KANSL1L: variants seen among roughly 807,000 people sequenced by gnomAD.
The protein encoded by KANSL1L is KAT8 regulatory NSL complex subunit 1 like.
A neutral mutation model predicts 108.6 loss-of-function variants in KANSL1L; 25 were observed. The observed-to-expected ratio is 0.23, with a 90% CI of 0.17 to 0.32. The LOEUF (loss-of-function observed/expected upper bound fraction) is 0.32, where lower values mean the gene tolerates loss of function less well. Among genes scored for constraint, KANSL1L ranks in the 10% least tolerant of loss-of-function variants. The pLI, the probability that KANSL1L is intolerant of heterozygous loss-of-function variation, is 1.00. For missense variants in KANSL1L, 1,137 were observed against 1,125.7 expected, an observed-to-expected ratio of 1.01 and a Z score of -0.14; for synonymous variants, 405 against 395.1, an observed-to-expected ratio of 1.03 and a Z score of -0.30.
intron 5 of KANSL1L, among the ~76,000 whole-genome samples, chr2:210,086,256 A>G (rs1038572559): frequency 1.3e-5 from 2 of 152,232 alleles, no homozygotes; most frequent in Admixed American, 6.5e-5. Context: ...AAACAATGAC[A>G]AAAATCTAGA....
intron 5 of KANSL1L, among the ~76,000 whole-genome samples, chr2:210,082,044 C>T (rs2094594392): frequency 6.6e-6 from 1 of 152,136 alleles, no homozygotes; most frequent in African/African-American, 2.4e-5. Context: ...AGTGATGCTC[C>T]TGCCTCAGGC....
At chr2:210,024,516 T>G (rs2093908648) in intron 13 of KANSL1L, among the ~76,000 whole-genome samples, 1 of 152,148 alleles carries the variant, frequency 6.6e-6, no homozygotes, top group African/African-American at 2.4e-5. Context: ...ACTACCAGAC[T>G]TCACACAATC....
intron 5 of KANSL1L, chr2:210,096,415 T>C: frequency 9.6e-6 from 8 of 835,770 alleles, no homozygotes; most frequent in Non-Finnish European, 1.2e-5. Context: ...CCCTAGGACT[T>C]GACTATGTGG....
At chr2:210,110,787 G>GT (rs1251576444) in intron 3 of KANSL1L, among the ~76,000 whole-genome samples, 2 of 152,160 alleles carry the variant, frequency 1.3e-5, no homozygotes, top group African/African-American at 4.8e-5. Flanking sequence ...GAAGAAAGAT[G>GT]TAACACCTTG....
intron 2 of KANSL1L, among the ~76,000 whole-genome samples, chr2:210,139,795 G>A (rs1259707806): frequency 6.7e-6 from 1 of 148,264 alleles, no homozygotes; most frequent in Non-Finnish European, 1.5e-5. Context: ...AGGCTGGAGT[G>A]CAGAGGCGCA....
chr2:210,053,823 AT>A (rs2094319412), intron 6 of KANSL1L, among the ~76,000 whole-genome samples: 1 of 152,084 alleles, frequency 6.6e-6, no homozygotes, highest in Non-Finnish European at 1.5e-5. Context: ...ATATATGTAT[AT>A]ATCAGAAAAA....
At position 210,025,137 on chromosome 2, in the gene KANSL1L, C is replaced by T; in HGVS notation, c.2531G>A (p.Trp844Ter). The stretch of plus-strand genomic sequence containing the variant: ...TCTTCTGTGCCACTTGCTTTGCTCC[C>T]ATAGTGACCACCTGGCTTGCTCTCT... ...EEREQARWSL[W>*]EQSKWHRRNS... The change falls in exon 13 of 15, where the codon TGG becomes TAG. Residue 844 changes from tryptophan to a stop codon, truncating the protein, a stop_gained. Coordinates refer to ENST00000281772, the MANE Select transcript of KANSL1L (RefSeq NM_152519.4). LOFTEE classifies it high-confidence loss of function. The T allele has an allele frequency of 6.2e-7, 1 of 1,613,262 alleles. No homozygotes were observed. Among genetic ancestry groups the T allele is most frequent in the Non-Finnish European group, 8.5e-7 (1 of 1,179,222 alleles).
At chr2:210,171,853 A>G (rs764110896), upstream of KANSL1L, 1 of 152,044 alleles carries the variant, frequency 6.6e-6, no homozygotes, top group African/African-American at 2.4e-5. Flanking sequence ...GATTTCTCAC[A>G]ATTGTCAAGT....
intron 5 of KANSL1L, among the ~76,000 whole-genome samples, chr2:210,092,921 G>GT (rs1056001778): frequency 7.5e-4 from 113 of 151,536 alleles, no homozygotes; most frequent in Admixed American, 2.5e-3. Context: ...TCAAAGATAG[G>GT]TTTTTTGTTT....
intron 1 of KANSL1L, among the ~76,000 whole-genome samples, chr2:210,157,045 GA>G (rs1475502590): frequency 4.0e-5 from 6 of 149,912 alleles, no homozygotes; most frequent in Non-Finnish European, 7.4e-5. Flanking sequence ...TATGGAAATA[GA>G]AAAACAATTC....
At chr2:210,150,229 A>G (rs1279914184) in intron 2 of KANSL1L, among the ~76,000 whole-genome samples, 1 of 152,188 alleles carries the variant, frequency 6.6e-6, no homozygotes, top group African/African-American at 2.4e-5. Context: ...AGCAGGAGAA[A>G]TAAACTTTTC....
chr2:210,027,770 C>T (rs1286298992), intron 11 of KANSL1L, among the ~76,000 whole-genome samples: 2 of 152,184 alleles, frequency 1.3e-5, no homozygotes, highest in Non-Finnish European at 2.9e-5. Flanking sequence ...CAGAAGTCTT[C>T]TATATTTAAC....
At chr2:210,074,116 AT>A (rs1288000086) in intron 6 of KANSL1L, among the ~76,000 whole-genome samples, 1 of 152,218 alleles carries the variant, frequency 6.6e-6, no homozygotes, top group Non-Finnish European at 1.5e-5. Flanking sequence ...GAGAAATGAC[AT>A]TTAAATTAAG....
rs376118130 is a variant in KANSL1L at position 210,098,089 on chromosome 2, C to T, written c.1547G>A (p.Arg516Lys). 1 of 1,606,914 alleles carries T rather than the reference C, an allele frequency of 6.2e-7. No homozygotes were observed. The highest frequency in any genetic ancestry group is 2.2e-5 in the East Asian group (1 of 44,510). ...SHKCLANGIY[R>K]SASENLDELS... The stretch of plus-strand genomic sequence containing the variant: ...AAGCTATTCCATTGATACCTACCTC[C>T]TGTAAATGCCATTAGCCAGACATTT... The change falls in exon 5 of 15, where the codon AGG becomes AAG. Residue 516 changes from arginine (R) to lysine (K), a missense_variant. Transcript: ENST00000281772.
chr2:210,096,758 T>A, intron 5 of KANSL1L: 1 of 955,970 alleles, frequency 1.0e-6, no homozygotes, highest in Non-Finnish European at 1.2e-6. Context: ...ACATGTTTTA[T>A]CACTGATATG....
intron 6 of KANSL1L, among the ~76,000 whole-genome samples, chr2:210,073,794 C>G (rs1031935191): frequency 2.6e-5 from 4 of 151,986 alleles, no homozygotes; most frequent in Non-Finnish European, 5.9e-5. Flanking sequence ...CACACACACA[C>G]ACACACACAC....
intron 6 of KANSL1L, among the ~76,000 whole-genome samples, chr2:210,052,573 G>T (rs1156677297): frequency 6.6e-6 from 1 of 152,090 alleles, no homozygotes; most frequent in Admixed American, 6.5e-5. Flanking sequence ...ATTCCAGAAA[G>T]GACTTCTGAC....
At chr2:210,091,958 A>C (rs2094696293) in intron 5 of KANSL1L, among the ~76,000 whole-genome samples, 1 of 152,112 alleles carries the variant, frequency 6.6e-6, no homozygotes, top group African/African-American at 2.4e-5. Context: ...GTAAACAGTT[A>C]TTTCCTTTCA....
chr2:210,102,520 T>C (rs1009192736), intron 4 of KANSL1L, among the ~76,000 whole-genome samples: 3 of 151,820 alleles, frequency 2.0e-5, no homozygotes, highest in South Asian at 2.1e-4. Flanking sequence ...ACCATCAGAG[T>C]GAACAGGCAA....
Sources: gnomAD v4.1 joint callset for allele counts (sites outside exome capture counted in the v4.1 genomes callset) on GRCh38, gnomAD v4.1.1 for gene constraint, MANE v1.5 for transcripts, NCBI Gene and HGNC (gene_info 2026-07-23, HGNC 2026-07-21) for gene names.